Variants in CR1L observed in about 807,000 individuals in gnomAD.
CR1L encodes the protein complement C3b/C4b receptor 1 like.
A neutral mutation model predicts 62.3 loss-of-function variants in CR1L; 59 were observed. The observed-to-expected ratio is 0.95, with a 90% CI of 0.77 to 1.18. The LOEUF (loss-of-function observed/expected upper bound fraction) is 1.18, where lower values mean the gene tolerates loss of function less well. Among genes scored for constraint, CR1L ranks in the 50% most tolerant of loss-of-function variants. The probability of loss-of-function intolerance (pLI) is 0.00; values close to 1 mark genes in which losing one functional copy is unlikely to be tolerated. For synonymous variants in CR1L, 279 were observed against 248.7 expected, an observed-to-expected ratio of 1.12 and a Z score of -1.15; for missense variants, 700 against 702.8, an observed-to-expected ratio of 1.00 and a Z score of 0.04.
At chr1:207,668,402 T>A (rs998814308) in intron 1 of CR1L, among the ~76,000 whole-genome samples, 19 of 151,032 alleles carry the variant, frequency 1.3e-4, no homozygotes, top group African/African-American at 4.7e-4. Context: ...TTATATTAAA[T>A]GAAGTAAATC....
At chr1:207,702,785 A>G (rs563298517) in intron 9 of CR1L, among the ~76,000 whole-genome samples, 1 of 152,314 alleles carries the variant, frequency 6.6e-6, no homozygotes, top group South Asian at 2.1e-4. Context: ...GAAGCTGCAG[A>G]AAAAAAGCTG....
At chr1:207,677,772 G>A (rs572573551) in intron 2 of CR1L, among the ~76,000 whole-genome samples, 15 of 152,324 alleles carry the variant, frequency 9.8e-5, no homozygotes, top group South Asian at 8.3e-4. Flanking sequence ...ATGAGAAACC[G>A]TCATTGCAGG....
At chr1:207,685,707 G>T (rs1346176496) in intron 4 of CR1L, among the ~76,000 whole-genome samples, 2 of 152,248 alleles carry the variant, frequency 1.3e-5, no homozygotes, top group Non-Finnish European at 1.5e-5. Context: ...ATGAGCCATC[G>T]CAGAGGATGC....
intron 4 of CR1L, among the ~76,000 whole-genome samples, chr1:207,684,748 A>T (rs1434087143): frequency 3.3e-5 from 5 of 151,880 alleles, no homozygotes; most frequent in Admixed American, 3.3e-4. Context: ...GATGAACGGC[A>T]TATATGGCAA....
intron 1 of CR1L, among the ~76,000 whole-genome samples, chr1:207,667,061 C>T (rs1479667221): frequency 1.3e-5 from 2 of 152,172 alleles, no homozygotes; most frequent in African/African-American, 4.8e-5. Context: ...CCAATCTTTT[C>T]CTAAACATTC....
chr1:207,699,083 G>A, intron 7 of CR1L, 106 bp from the exon 8 acceptor site: 1 of 1,420,358 alleles, frequency 7.0e-7, no homozygotes, highest in Non-Finnish European at 9.9e-7. Context: ...GCCACCTGCT[G>A]GCCTCAGGTC....
At chr1:207,647,215 T>C (rs1349191041) in intron 1 of CR1L, among the ~76,000 whole-genome samples, 1 of 152,220 alleles carries the variant, frequency 6.6e-6, no homozygotes, top group African/African-American at 2.4e-5. Flanking sequence ...TATAATTTTC[T>C]GACAGCATTT....
intron 1 of CR1L, chr1:207,669,359 T>A: frequency 1.2e-6 from 1 of 844,032 alleles, no homozygotes; most frequent in Non-Finnish European, 1.9e-6. Context: ...AGCACAAGGA[T>A]TGGTCACTCC....
intron 1 of CR1L, among the ~76,000 whole-genome samples, chr1:207,660,899 T>C (rs1663409344): frequency 6.6e-6 from 1 of 152,254 alleles, no homozygotes. Context: ...CATTTCGTTA[T>C]GTACCCAGTA....
intron 10 of CR1L, chr1:207,709,037 G>A (rs1664312699): frequency 3.4e-6 from 1 of 298,300 alleles, no homozygotes; most frequent in Admixed American, 4.8e-5. Context: ...TTTATTATAT[G>A]TAATATTGTA....
intron 1 of CR1L, among the ~76,000 whole-genome samples, chr1:207,645,883 C>G (rs75553932): frequency 0.017 from 2,652 of 152,220 alleles, 50 homozygotes; most frequent in South Asian, 0.11. Context: ...TTGCTGGGAG[C>G]GTGCTGTGCG....
intron 10 of CR1L, among the ~76,000 whole-genome samples, chr1:207,713,354 G>A (rs2102481089): frequency 6.6e-6 from 1 of 152,386 alleles, no homozygotes; most frequent in East Asian, 1.9e-4. Flanking sequence ...ATCTGTAATA[G>A]TGTATGAATA....
At chr1:207,716,488 G>C (rs1292714241) in intron 10 of CR1L, among the ~76,000 whole-genome samples, 1 of 151,690 alleles carries the variant, frequency 6.6e-6, no homozygotes, top group East Asian at 1.9e-4. Context: ...TTAAAGCAAG[G>C]CATGATTTTT....
intron 7 of CR1L, 29 bp downstream of exon 7, chr1:207,697,902 A>T: frequency 6.2e-7 from 1 of 1,613,638 alleles, no homozygotes; most frequent in Non-Finnish European, 8.5e-7. Flanking sequence ...GACCTGCTGG[A>T]CATTGAAATT....
intron 11 of CR1L, 92 bp downstream of exon 11, chr1:207,717,783 A>G: frequency 6.7e-7 from 1 of 1,499,226 alleles, no homozygotes; most frequent in Admixed American, 1.9e-5. Flanking sequence ...TTTGCTTGTG[A>G]AAATGGCTTT....
intron 7 of CR1L, among the ~76,000 whole-genome samples, chr1:207,698,569 C>T (rs1394357506): frequency 6.6e-6 from 1 of 152,190 alleles, no homozygotes; most frequent in Admixed American, 6.5e-5. Context: ...TCTTGGCAGG[C>T]TCCAAAAGCC....
In CR1L at chr1:207,657,002, A is replaced by G; in HGVS notation, c.97+11672A>G. On this transcript the variant is annotated intron_variant, in intron 1 of 11. Transcript: ENST00000508064. ...CTCATAGAAACCTTCTTTTAAATCC[A>G]TATTGAATTCACAACCAGCTTGTAG... 2.2e-5 allele frequency: 12 copies of G among 536,414 alleles called. 1 individual carries two copies. Among genetic ancestry groups the G allele is most frequent in the Non-Finnish European group, 3.6e-5 (11 of 301,472 alleles). The allele number at this position is 536,414 out of a possible 1,614,324, so 33.2% of individuals were successfully genotyped here.
At chr1:207,671,709 G>A (rs1237934036) in intron 1 of CR1L, among the ~76,000 whole-genome samples, 1 of 150,926 alleles carries the variant, frequency 6.6e-6, no homozygotes, top group African/African-American at 2.5e-5. Context: ...ATAACTTGAG[G>A]TCAGGACTTT....
At chr1:207,692,838 G>C (rs907457769) in intron 4 of CR1L, among the ~76,000 whole-genome samples, 1 of 152,002 alleles carries the variant, frequency 6.6e-6, no homozygotes, top group East Asian at 1.9e-4. Flanking sequence ...TGACTGAAGA[G>C]GTTTTCTCTA....
Sources: gnomAD v4.1 joint callset for allele counts (sites outside exome capture counted in the v4.1 genomes callset) on GRCh38, gnomAD v4.1.1 for gene constraint, MANE v1.5 for transcripts, NCBI Gene and HGNC (gene_info 2026-07-23, HGNC 2026-07-21) for gene names.